CDKAL1: variants seen among roughly 807,000 people sequenced by gnomAD.
The protein encoded by CDKAL1 is CDKAL1 threonylcarbamoyladenosine tRNA methylthiotransferase.
CDKAL1 carries 32 observed loss-of-function variants against 68.2 expected under a neutral mutation model. The ratio of observed to expected loss-of-function variants is 0.47; its 90% CI spans 0.35 to 0.63. CDKAL1 has a LOEUF of 0.63. Among genes scored for constraint, CDKAL1 ranks in the 30% least tolerant of loss-of-function variants. The probability of loss-of-function intolerance (pLI) is 0.00; values close to 1 mark genes in which losing one functional copy is unlikely to be tolerated. For missense variants in CDKAL1, 606 were observed against 696.7 expected (o/e 0.87, Z 1.47); for synonymous variants, 234 against 244.3 (o/e 0.96, Z 0.39).
chr6:21,052,050 C>G (rs1414981305), intron 11 of CDKAL1, among the ~76,000 whole-genome samples: 6 of 152,208 alleles, frequency 3.9e-5, no homozygotes, highest in African/African-American at 1.4e-4. Flanking sequence ...GCTTTTCAGC[C>G]CTCATCTAAA....
rs747754832 is a variant in CDKAL1 at position 20,546,380 on chromosome 6, G to T, written c.30G>T (p.Leu10=). ...CTTCTGCATCCTGTGATACACTACT[G>T]GATGACATCGAAGATATCGTGTCTC... The part of the protein sequence containing the change: MPSASCDTL[L]DDIEDIVSQE... The change falls in exon 3 of 16, where the codon CTG becomes CTT. Residue 10 remains leucine (L), a synonymous_variant. Coordinates refer to ENST00000274695, the MANE Select transcript of CDKAL1 (RefSeq NM_017774.3). The T allele has an allele frequency of 3.7e-6, 6 of 1,613,796 alleles. No homozygotes were observed. Among genetic ancestry groups the T allele is most frequent in the Non-Finnish European group, 5.1e-6 (6 of 1,179,804 alleles).
At chr6:21,193,902 T>C (rs1196882589) in intron 13 of CDKAL1, among the ~76,000 whole-genome samples, 1 of 152,196 alleles carries the variant, frequency 6.6e-6, no homozygotes, top group East Asian at 1.9e-4. Flanking sequence ...TATAACAAAA[T>C]ACCCAAGACT....
chr6:20,717,152 G>A (rs780445330), intron 5 of CDKAL1, among the ~76,000 whole-genome samples: 4 of 152,052 alleles, frequency 2.6e-5, no homozygotes, highest in Non-Finnish European at 5.9e-5. Flanking sequence ...TAAACAGAAT[G>A]AGAGCCAAGG....
At chr6:21,054,012 T>C (rs1018719989) in intron 11 of CDKAL1, among the ~76,000 whole-genome samples, 2 of 152,214 alleles carry the variant, frequency 1.3e-5, no homozygotes, top group Non-Finnish European at 2.9e-5. Context: ...GCACTATCGC[T>C]AAGAAATCTT....
intron 9 of CDKAL1, among the ~76,000 whole-genome samples, chr6:20,855,189 C>A (rs1759259643): frequency 6.6e-6 from 1 of 151,742 alleles, no homozygotes; most frequent in Non-Finnish European, 1.5e-5. Context: ...TGCCTGTAAT[C>A]CCCAGCACTT....
intron 5 of CDKAL1, among the ~76,000 whole-genome samples, chr6:20,709,910 T>C (rs968854064): frequency 6.6e-6 from 1 of 152,154 alleles, no homozygotes; most frequent in Non-Finnish European, 1.5e-5. Flanking sequence ...GCCAAATTGG[T>C]CTCAGATTAT....
At chr6:21,184,450 C>T (rs1167057795) in intron 13 of CDKAL1, among the ~76,000 whole-genome samples, 1 of 152,094 alleles carries the variant, frequency 6.6e-6, no homozygotes, top group African/African-American at 2.4e-5. Flanking sequence ...CCACCTCGGC[C>T]TGCCCAAAGT....
intron 11 of CDKAL1, among the ~76,000 whole-genome samples, chr6:21,018,973 A>G (rs1387987727): frequency 6.6e-6 from 1 of 152,106 alleles, no homozygotes; most frequent in Non-Finnish European, 1.5e-5. Flanking sequence ...ATTTAGAGAC[A>G]GAGTCTCGCT....
At chr6:20,873,615 A>G (rs762873305) in intron 9 of CDKAL1, among the ~76,000 whole-genome samples, 7 of 152,284 alleles carry the variant, frequency 4.6e-5, no homozygotes, top group African/African-American at 9.6e-5. Flanking sequence ...GTTGTTCCCA[A>G]TAAGTGCTGA....
chr6:20,716,093 G>A (rs1024389180), intron 5 of CDKAL1, among the ~76,000 whole-genome samples: 7 of 152,168 alleles, frequency 4.6e-5, no homozygotes, highest in Middle Eastern at 3.2e-3. Flanking sequence ...GAGTTATTTG[G>A]CACTTGCAGT....
chr6:21,065,155 G>T lies in CDKAL1; in HGVS notation c.1163G>T (p.Ser388Ile). The T allele has an allele frequency of 2.5e-6, 4 of 1,608,930 alleles. No individual in the cohort carries two copies. Among genetic ancestry groups the T allele is most frequent in the Non-Finnish European group, 3.4e-6 (4 of 1,178,270 alleles). The change falls in exon 12 of 16, where the codon AGC (serine) becomes ATC (isoleucine). Residue 388 changes from serine to isoleucine, a missense_variant. Ser to Ile is a moderately radical substitution (Grantham distance 142). Transcript: ENST00000274695. Reference protein sequence around the residue: ...VKLVEEYKFPSLFINQFYPRP... With the variant: ...VKLVEEYKFPILFINQFYPRP... ...CTTGTTGAAGAGTACAAATTCCCAAGCCTGTTTATTAACCAATTTTACCCA... is the reference window on the plus strand; with the variant it reads ...CTTGTTGAAGAGTACAAATTCCCAATCCTGTTTATTAACCAATTTTACCCA...
At chr6:21,056,155 G>T (rs570321658) in intron 11 of CDKAL1, among the ~76,000 whole-genome samples, 1 of 151,972 alleles carries the variant, frequency 6.6e-6, no homozygotes, top group Admixed American at 6.6e-5. Flanking sequence ...TTTGTTGGCC[G>T]AATGGAATGT....
chr6:20,791,842 A>G (rs534696611), intron 8 of CDKAL1, among the ~76,000 whole-genome samples: 2 of 151,584 alleles, frequency 1.3e-5, no homozygotes, highest in African/African-American at 2.4e-5. Flanking sequence ...TCCCACTTCT[A>G]CTGGAGCTAA....
At chr6:21,212,500 C>T (rs1372098134) in intron 15 of CDKAL1, among the ~76,000 whole-genome samples, 1 of 152,066 alleles carries the variant, frequency 6.6e-6, no homozygotes, top group Non-Finnish European at 1.5e-5. Context: ...TGCTTCTAAC[C>T]ATAAATTGTA....
At chr6:21,055,707 C>T (rs936684732) in intron 11 of CDKAL1, among the ~76,000 whole-genome samples, 2 of 152,096 alleles carry the variant, frequency 1.3e-5, no homozygotes, top group African/African-American at 2.4e-5. Context: ...GATCTCTTTC[C>T]TTTTTATGGC....
chr6:21,177,757 T>C (rs2151082888), intron 13 of CDKAL1, among the ~76,000 whole-genome samples: 1 of 151,886 alleles, frequency 6.6e-6, no homozygotes, highest in Non-Finnish European at 1.5e-5. Flanking sequence ...AATTGAAGAA[T>C]CATTATTTAC....
intron 8 of CDKAL1, among the ~76,000 whole-genome samples, chr6:20,837,526 G>T (rs1266950081): frequency 2.0e-5 from 3 of 151,810 alleles, no homozygotes; most frequent in African/African-American, 7.3e-5. Flanking sequence ...CCATTATTCA[G>T]GTTTTTTGGT....
intron 8 of CDKAL1, among the ~76,000 whole-genome samples, chr6:20,835,655 C>G (rs2150473832): frequency 6.6e-6 from 1 of 152,218 alleles, no homozygotes; most frequent in East Asian, 1.9e-4. Flanking sequence ...TCAAGTGATT[C>G]TCCTGCCTCA....
At chr6:21,097,372 A>C (rs1773367592) in intron 12 of CDKAL1, among the ~76,000 whole-genome samples, 1 of 152,130 alleles carries the variant, frequency 6.6e-6, no homozygotes, top group African/African-American at 2.4e-5. Context: ...TTGGAGGCTG[A>C]CAGGAGAATT....
Sources: gnomAD v4.1 joint callset for allele counts (sites outside exome capture counted in the v4.1 genomes callset) on GRCh38, gnomAD v4.1.1 for gene constraint, MANE v1.5 for transcripts, NCBI Gene and HGNC (gene_info 2026-07-23, HGNC 2026-07-21) for gene names.